Variants in TMEM117 observed in about 807,000 individuals in gnomAD.
The protein encoded by TMEM117 is transmembrane protein 117.
TMEM117 carries 27 observed loss-of-function variants against 52.4 expected under a neutral mutation model. The observed-to-expected ratio is 0.51, with a 90% CI of 0.38 to 0.71. The LOEUF is 0.71. Ranked by LOEUF, TMEM117 falls within the 30% of genes least tolerant of loss-of-function variation. TMEM117 has a pLI of 0.00. For synonymous variants in TMEM117, 215 were observed against 206.3 expected (o/e 1.04, Z -0.36); for missense variants, 556 against 630.5 (o/e 0.88, Z 1.26).
rs551715294 is a variant in TMEM117 at position 44,323,453 on chromosome 12, T to C, written c.768+23714T>C. Reference sequence around the variant, plus strand: ...TTAGTTAGATGGATCTTATTTCCTCTATTAGATGCTTGATGAATATTCATA... The same window carrying C: ...TTAGTTAGATGGATCTTATTTCCTCCATTAGATGCTTGATGAATATTCATA... On this transcript the variant is annotated intron_variant, in intron 6 of 7. Transcript: ENST00000266534. Among the ~76,000 whole-genome samples the C allele has an allele frequency of 4.6e-5, 7 of 152,286 alleles. No homozygotes were observed. In the South Asian group the frequency reaches 1.4e-3, roughly 32 times the overall value.
At position 44,299,667 on chromosome 12, in the gene TMEM117, G is replaced by A. The variant is rs1950814554; in HGVS notation, c.696G>A (p.Leu232=). ...ISWDKLNRGF[L]PSDEVSRAFL... ...GGGACAAGCTGAATCGGGGATTTTTGCCCAGTGATGAAGTTTCCAGAGCAT... is the reference window on the plus strand; with the variant it reads ...GGGACAAGCTGAATCGGGGATTTTTACCCAGTGATGAAGTTTCCAGAGCAT... Residue 232 remains leucine, a synonymous_variant, in exon 6 of 8, where the codon TTG becomes TTA. Coordinates refer to ENST00000266534, the MANE Select transcript of TMEM117 (RefSeq NM_032256.3). 1 of 1,614,056 alleles carries A rather than the reference G, an allele frequency of 6.2e-7. No homozygotes were observed. Among genetic ancestry groups the A allele is most frequent in the Non-Finnish European group, 8.5e-7 (1 of 1,180,026 alleles).
chr12:43,828,803 T>C, the TMEM117 span, among the ~76,000 whole-genome samples: 4 of 152,190 alleles, frequency 2.6e-5, no homozygotes, highest in African/African-American at 9.6e-5. Context: ...CTCTTGTGAA[T>C]GGACCACAAC....
chr12:44,280,619 G>T (rs1003158511), intron 5 of TMEM117, among the ~76,000 whole-genome samples: 9 of 151,904 alleles, frequency 5.9e-5, no homozygotes, highest in African/African-American at 2.2e-4. Context: ...CCTTCAATTG[G>T]CAGCAAGTTA....
At chr12:43,914,968 A>T (rs1944576601) in intron 2 of TMEM117, among the ~76,000 whole-genome samples, 1 of 151,990 alleles carries the variant, frequency 6.6e-6, no homozygotes, top group Non-Finnish European at 1.5e-5. Flanking sequence ...TCTTCTTGGG[A>T]TTTTCTTCTC....
intron 3 of TMEM117, among the ~76,000 whole-genome samples, chr12:43,946,134 A>G (rs1945127693): frequency 6.6e-6 from 1 of 152,190 alleles, no homozygotes; most frequent in Admixed American, 6.5e-5. Flanking sequence ...GCTGTAACCT[A>G]TGGCTAGTCA....
intron 3 of TMEM117, among the ~76,000 whole-genome samples, chr12:43,979,357 A>C (rs929250503): frequency 4.3e-4 from 65 of 152,282 alleles, no homozygotes; most frequent in African/African-American, 1.5e-3. Flanking sequence ...AATATCATCC[A>C]TAAAATGAAT....
At chr12:43,862,717 T>A (rs930848715) in intron 2 of TMEM117, among the ~76,000 whole-genome samples, 3 of 152,310 alleles carry the variant, frequency 2.0e-5, no homozygotes, top group South Asian at 2.1e-4. Flanking sequence ...TTAGGTTAGC[T>A]CCCTCAGAGG....
intron 2 of TMEM117, among the ~76,000 whole-genome samples, chr12:43,882,627 G>A (rs1943918026): frequency 6.6e-6 from 1 of 152,100 alleles, no homozygotes; most frequent in Non-Finnish European, 1.5e-5. Context: ...TACCTGAAGA[G>A]TTTGCTCTTC....
Position 44,326,343 on chromosome 12 carries a change from G to T in TMEM117, c.768+26604G>T, listed in dbSNP as rs540204241. 2.6e-5 allele frequency among the ~76,000 whole-genome samples: 4 copies of T among 152,206 alleles called. No individual in the cohort carries two copies. The East Asian group carries it at 5.8e-4, about 22-fold the overall frequency. ...TAAATGTATCAATCTTTTTCTTTGT[G>T]ATATCTGCTTTTTATGTTAAGCTGA... On this transcript the variant is annotated intron_variant, in intron 6 of 7. Transcript: ENST00000266534.
chr12:43,928,917 C>T (rs1432641872), intron 2 of TMEM117, among the ~76,000 whole-genome samples: 1 of 151,926 alleles, frequency 6.6e-6, no homozygotes, highest in Non-Finnish European at 1.5e-5. Context: ...CTATAAAGGA[C>T]ATGAACTCAT....
chr12:44,218,667 C>T (rs536306576), intron 5 of TMEM117, among the ~76,000 whole-genome samples: 19 of 152,304 alleles, frequency 1.2e-4, no homozygotes, highest in Admixed American at 5.2e-4. Context: ...CAAATTGTTG[C>T]ACCCAGACAT....
At chr12:44,149,750 A>G (rs1948694906) in intron 4 of TMEM117, among the ~76,000 whole-genome samples, 3 of 152,240 alleles carry the variant, frequency 2.0e-5, no homozygotes, top group Admixed American at 1.3e-4. Context: ...GAGTTTGACA[A>G]TGCATATTAT....
At chr12:44,024,197 A>G (rs1592449934) in intron 3 of TMEM117, among the ~76,000 whole-genome samples, 1 of 152,210 alleles carries the variant, frequency 6.6e-6, no homozygotes, top group East Asian at 1.9e-4. Context: ...TGTGCACTGC[A>G]TTAGGGTGTG....
At chr12:44,071,270 G>A (rs886093547) in intron 3 of TMEM117, among the ~76,000 whole-genome samples, 1 of 152,162 alleles carries the variant, frequency 6.6e-6, no homozygotes, top group Non-Finnish European at 1.5e-5. Context: ...GGGAGACACT[G>A]CTCTTCAGAT....
intron 5 of TMEM117, among the ~76,000 whole-genome samples, chr12:44,270,175 T>C (rs1950428837): frequency 6.6e-6 from 1 of 152,074 alleles, no homozygotes; most frequent in Non-Finnish European, 1.5e-5. Flanking sequence ...GAGATTAGGG[T>C]TTAAATTTAA....
intron 4 of TMEM117, among the ~76,000 whole-genome samples, chr12:44,162,304 C>T (rs765994188): frequency 9.9e-5 from 15 of 152,128 alleles, no homozygotes; most frequent in Non-Finnish European, 1.6e-4. Flanking sequence ...GGGTGGGTGT[C>T]ACTTCTTGGC....
At chr12:44,173,490 C>T (rs951660040) in intron 4 of TMEM117, among the ~76,000 whole-genome samples, 5 of 151,720 alleles carry the variant, frequency 3.3e-5, no homozygotes, top group African/African-American at 1.2e-4. Flanking sequence ...TGGTGTTTAA[C>T]TTGATTGCCT....
At chr12:43,845,338 G>A (rs1943184746) in intron 2 of TMEM117, among the ~76,000 whole-genome samples, 1 of 151,528 alleles carries the variant, frequency 6.6e-6, no homozygotes, top group Non-Finnish European at 1.5e-5. Context: ...GCACATGTTT[G>A]TAATCCCAGC....
chr12:43,876,043 C>T (rs961918436), intron 2 of TMEM117, among the ~76,000 whole-genome samples: 6 of 152,194 alleles, frequency 3.9e-5, no homozygotes, highest in Non-Finnish European at 8.8e-5. Context: ...TACTTAGTAT[C>T]TCAGAATTCT....
Sources: allele counts gnomAD v4.1 joint callset (sites outside exome capture counted in the v4.1 genomes callset), GRCh38; gene constraint gnomAD v4.1.1; transcripts MANE v1.5; gene names NCBI Gene and HGNC (gene_info 2026-07-23, HGNC 2026-07-21).